Variants in HEATR3 observed in about 807,000 individuals in gnomAD.
HEATR3 encodes the protein HEAT repeat-containing protein 3.
HEATR3 carries 56 observed loss-of-function variants against 72.8 expected under a neutral mutation model. That is an observed-to-expected ratio of 0.77 (90% confidence interval 0.62 to 0.96). HEATR3 has a LOEUF of 0.96. Among genes scored for constraint, HEATR3 ranks in the 40% least tolerant of loss-of-function variants. The pLI is 0.00. For synonymous variants in HEATR3, 331 were observed against 318.1 expected, an observed-to-expected ratio of 1.04 and a Z score of -0.43; for missense variants, 747 against 831.4, an observed-to-expected ratio of 0.90 and a Z score of 1.25.
At chr16:50,104,752 A>G (rs1186845867) in intron 14 of HEATR3, among the ~76,000 whole-genome samples, 187 bp from the exon 15 acceptor site, 1 of 152,200 alleles carries the variant, frequency 6.6e-6, no homozygotes, top group Non-Finnish European at 1.5e-5. Flanking sequence ...ATTTTTAATA[A>G]TGCACATTCT....
chr16:50,081,826 GCTTCTA>G (rs1340036249), intron 7 of HEATR3, among the ~76,000 whole-genome samples: 1 of 152,162 alleles, frequency 6.6e-6, no homozygotes, highest in Non-Finnish European at 1.5e-5. Flanking sequence ...TCTCTGCCCA[GCTTCTA>G]CAGTTACCAA....
Position 50,100,268 on chromosome 16 carries a change from A to G in HEATR3, c.1638A>G (p.Ala546=), listed in dbSNP as rs1366494048. The G allele has an allele frequency of 4.3e-6, 7 of 1,613,854 alleles. No homozygotes were observed. In the African/African-American group the frequency reaches 5.3e-5, roughly 12 times the overall value. The change falls in exon 13 of 15, where the codon GCA becomes GCG. Residue 546 remains alanine, a synonymous_variant. Transcript: ENST00000299192. ...TPDQLMTLCK[A]GIHSSNVGVR... ...ATCAGCTGATGACATTATGCAAAGC[A>G]GGCATTCATAGTAGTAATGTCGGGG...
At chr16:50,077,164 G>A (rs1312483993) in intron 6 of HEATR3, among the ~76,000 whole-genome samples, 2 of 151,864 alleles carry the variant, frequency 1.3e-5, no homozygotes, top group East Asian at 1.9e-4. Flanking sequence ...GTGAGCCACC[G>A]CGCCTGGCCT....
chr16:50,074,321 T>TA (rs1328181250), intron 5 of HEATR3: 1 of 149,782 alleles, frequency 6.7e-6, no homozygotes, highest in African/African-American at 2.5e-5. Context: ...CCTTGATAAG[T>TA]ACATAAATTG....
intron 2 of HEATR3, among the ~76,000 whole-genome samples, chr16:50,067,026 AGAT>A (rs1423723302): frequency 6.6e-6 from 1 of 152,078 alleles, no homozygotes; most frequent in African/African-American, 2.4e-5. Context: ...TGGGAAAACG[AGAT>A]GATGATGAGT....
intron 11 of HEATR3, among the ~76,000 whole-genome samples, chr16:50,087,808 C>CAAT (rs2037020269): frequency 6.6e-6 from 1 of 152,122 alleles, no homozygotes; most frequent in African/African-American, 2.4e-5. Flanking sequence ...TTTTCAGACA[C>CAAT]AACATTAAGT....
At chr16:50,069,156 A>G (rs1046781839) in intron 3 of HEATR3, 1 of 227,918 alleles carries the variant, frequency 4.4e-6, no homozygotes, top group African/African-American at 2.3e-5. Flanking sequence ...TTGCTTATTT[A>G]TGTGCCAGGT....
intron 10 of HEATR3, 137 bp downstream of exon 10, chr16:50,084,788 C>T (rs1026173023): frequency 3.2e-6 from 2 of 623,866 alleles, no homozygotes; most frequent in Non-Finnish European, 5.6e-6. Context: ...AAAATATGTG[C>T]CCACATGCCC....
At chr16:50,081,712 A>C (rs2036871583) in intron 7 of HEATR3, among the ~76,000 whole-genome samples, 1 of 152,164 alleles carries the variant, frequency 6.6e-6, no homozygotes. Context: ...TTAGAATCAA[A>C]ACTGCATCAT....
At chr16:50,096,324 C>CAAAAAAAAAAAAAAAAAAAA (rs59995532) in intron 12 of HEATR3, among the ~76,000 whole-genome samples, 2 of 86,820 alleles carry the variant, frequency 2.3e-5, no homozygotes, top group Non-Finnish European at 4.4e-5. Context: ...GACTCCGTCT[C>CAAAAAAAAAAAAAAAAAAAA]AAAAAAAAAA....
intron 9 of HEATR3, 37 bp downstream of exon 9, chr16:50,084,328 G>C: frequency 1.3e-6 from 2 of 1,598,026 alleles, no homozygotes; most frequent in Non-Finnish European, 1.7e-6. Flanking sequence ...CGTGGAGCAT[G>C]GGAAAGGCTT....
intron 3 of HEATR3, 41 bp downstream of exon 3, chr16:50,068,908 T>G: frequency 6.8e-7 from 1 of 1,471,710 alleles, no homozygotes; most frequent in African/African-American, 1.4e-5. Flanking sequence ...GCTTTTGGGA[T>G]GCAAACTTAG....
At chr16:50,075,313 CAAAAAA>C (rs60094512) in intron 5 of HEATR3, among the ~76,000 whole-genome samples, 1 of 121,138 alleles carries the variant, frequency 8.3e-6, no homozygotes, top group Non-Finnish European at 1.7e-5. Flanking sequence ...AAGACTGTCT[CAAAAAA>C]AAAAAAAAAA....
intron 11 of HEATR3, among the ~76,000 whole-genome samples, chr16:50,090,062 T>TA (rs2037074774): frequency 6.6e-6 from 1 of 152,096 alleles, no homozygotes; most frequent in Non-Finnish European, 1.5e-5. Context: ...TGTTACAAGA[T>TA]AGTTTAGTGG....
chr16:50,066,009 GT>G lies in HEATR3; in HGVS notation c.-122del. ...GCGCCTGCGCACGGCTTGCCCATGT[GT>G]GCTGCAGCCGTCAGCCGGCCCAGCT... is the stretch of plus-strand genomic sequence containing the variant. On this transcript the variant is annotated 5_prime_UTR_variant, in exon 1 of 15. The change abolishes the stop of an existing upstream ORF in the 5' untranslated region. Coordinates refer to ENST00000299192, the MANE Select transcript of HEATR3 (RefSeq NM_182922.4). 2.2e-6 allele frequency: 2 copies of G among 929,758 alleles called. No individual in the cohort carries two copies. The highest frequency in any genetic ancestry group is 3.0e-6 in the Non-Finnish European group (2 of 672,472). The allele number at this position is 929,758 out of a possible 1,614,324, so 57.6% of individuals were successfully genotyped here.
intron 2 of HEATR3, 43 bp from the exon 3 acceptor site, chr16:50,068,737 C>A: frequency 7.1e-7 from 1 of 1,405,260 alleles, no homozygotes. Flanking sequence ...TGTTCTGTGA[C>A]ATGTGATGTG....
chr16:50,099,882 C>T (rs928212473), intron 12 of HEATR3, among the ~76,000 whole-genome samples: 1 of 152,216 alleles, frequency 6.6e-6, no homozygotes, highest in Non-Finnish European at 1.5e-5. Context: ...TAAAACCACA[C>T]AATCCTATTT....
At chr16:50,081,602 G>A (rs554181215) in intron 7 of HEATR3, among the ~76,000 whole-genome samples, 21 of 152,120 alleles carry the variant, frequency 1.4e-4, no homozygotes, top group South Asian at 4.1e-4. Context: ...CATGCTAGTC[G>A]GTCAGCCAGC....
intron 12 of HEATR3, among the ~76,000 whole-genome samples, chr16:50,095,830 A>G (rs78566449): frequency 0.028 from 4,267 of 152,208 alleles, 190 homozygotes; most frequent in African/African-American, 0.095. Context: ...AAAGCAAATC[A>G]TATTAGACCC....
Sources: gnomAD v4.1 joint callset for allele counts (sites outside exome capture counted in the v4.1 genomes callset) on GRCh38, gnomAD v4.1.1 for gene constraint, MANE v1.5 for transcripts, NCBI Gene and HGNC (gene_info 2026-07-23, HGNC 2026-07-21) for gene names.